ANKS1B: variants seen among roughly 807,000 people sequenced by gnomAD.
ANKS1B encodes ankyrin repeat and sterile alpha motif domain-containing protein 1B.
A neutral mutation model predicts 148.3 loss-of-function variants in ANKS1B; 36 were observed. That is an observed-to-expected ratio of 0.24 (90% CI 0.19 to 0.32). The LOEUF (loss-of-function observed/expected upper bound fraction) is 0.32, where lower values mean the gene tolerates loss of function less well. Among genes scored for constraint, ANKS1B ranks in the 10% least tolerant of loss-of-function variants. The pLI, the probability that ANKS1B is intolerant of heterozygous loss-of-function variation, is 1.00. For missense variants in ANKS1B, 1,157 were observed against 1,542.6 expected (o/e 0.75, Z 4.19); for synonymous variants, 542 against 560.8 (o/e 0.97, Z 0.47).
chr12:98,981,437 G>A (rs959028890), intron 17 of ANKS1B, among the ~76,000 whole-genome samples: 3 of 152,116 alleles, frequency 2.0e-5, no homozygotes, highest in Admixed American at 1.3e-4. Flanking sequence ...CTGGGTTCAA[G>A]GGATTCTGCT....
intron 14 of ANKS1B, among the ~76,000 whole-genome samples, chr12:99,241,578 T>C (rs1264386172): frequency 2.6e-5 from 4 of 152,214 alleles, no homozygotes; most frequent in Non-Finnish European, 4.4e-5. Flanking sequence ...TACCAAAGCC[T>C]GGCAGAGACA....
At chr12:99,682,249 T>C (rs1019048425) in intron 8 of ANKS1B, among the ~76,000 whole-genome samples, 8 of 152,176 alleles carry the variant, frequency 5.3e-5, no homozygotes, top group Admixed American at 3.3e-4. Context: ...CTATATCCTA[T>C]AATAAATGGA....
intron 8 of ANKS1B, among the ~76,000 whole-genome samples, chr12:99,675,890 G>A (rs2098563277): frequency 6.6e-6 from 1 of 152,080 alleles, no homozygotes; most frequent in South Asian, 2.1e-4. Flanking sequence ...TGAAAATTAA[G>A]AAATAAAATG....
At chr12:99,520,412 C>A (rs1472792053) in intron 9 of ANKS1B, among the ~76,000 whole-genome samples, 1 of 152,156 alleles carries the variant, frequency 6.6e-6, no homozygotes, top group African/African-American at 2.4e-5. Flanking sequence ...TCCTGGCCTG[C>A]CAGGTTTCTA....
intron 9 of ANKS1B, among the ~76,000 whole-genome samples, chr12:99,575,204 C>T (rs2097504235): frequency 6.6e-6 from 1 of 151,998 alleles, no homozygotes; most frequent in African/African-American, 2.4e-5. Context: ...TTAGCAGAAA[C>T]CTTACAAGTC....
At position 99,614,559 on chromosome 12, in the gene ANKS1B, G is replaced by GA. The variant is rs72275344; in HGVS notation, c.1272+40507dup. 1.8e-3 allele frequency among the ~76,000 whole-genome samples: 267 copies of GA among 147,028 alleles called. 3 individuals are homozygous for GA. Among genetic ancestry groups the GA allele is most frequent in the African/African-American group, 6.3e-3 (251 of 39,942 alleles). On this transcript the variant is annotated intron_variant, in intron 9 of 26. Coordinates refer to ENST00000683438, the MANE Select transcript of ANKS1B (RefSeq NM_001352186.2). ...GGATTTTCCATGTACTAACAGCAAA[G>GA]AAAAAAAAAAAGAATTCTCAGTAGA...
chr12:99,458,876 A>G (rs767408272), intron 10 of ANKS1B, among the ~76,000 whole-genome samples: 7 of 152,022 alleles, frequency 4.6e-5, no homozygotes, highest in Non-Finnish European at 7.4e-5. Flanking sequence ...ATTCCAAAAG[A>G]TATAGAAAAA....
intron 17 of ANKS1B, among the ~76,000 whole-genome samples, chr12:99,011,167 T>A (rs1261042606): frequency 6.6e-6 from 1 of 152,104 alleles, no homozygotes; most frequent in Non-Finnish European, 1.5e-5. Flanking sequence ...CCAGATACCT[T>A]GGCTGAGCAG....
At chr12:99,474,294 G>T (rs2096283136) in intron 10 of ANKS1B, among the ~76,000 whole-genome samples, 1 of 151,922 alleles carries the variant, frequency 6.6e-6, no homozygotes, top group Non-Finnish European at 1.5e-5. Flanking sequence ...GTTCATTAAG[G>T]TTTGATAAAA....
intron 17 of ANKS1B, among the ~76,000 whole-genome samples, chr12:98,865,132 A>T (rs2099618093): frequency 6.6e-6 from 1 of 152,112 alleles, no homozygotes; most frequent in African/African-American, 2.4e-5. Context: ...GACCGCTCAG[A>T]ACACCTTTTC....
At chr12:99,392,737 A>C (rs1263788376) in intron 12 of ANKS1B, among the ~76,000 whole-genome samples, 1 of 152,152 alleles carries the variant, frequency 6.6e-6, no homozygotes, top group African/African-American at 2.4e-5. Context: ...AGAACTCATA[A>C]ATTCACTCAC....
At chr12:99,208,469 T>C (rs1450986855) in intron 14 of ANKS1B, among the ~76,000 whole-genome samples, 3 of 152,166 alleles carry the variant, frequency 2.0e-5, no homozygotes, top group African/African-American at 7.2e-5. Flanking sequence ...AAAAGAGAGA[T>C]ATTAAACTAG....
Position 99,094,740 on chromosome 12 carries a change from C to A in ANKS1B, c.2527-9717G>T, listed in dbSNP as rs78329302. 1.1e-4 allele frequency among the ~76,000 whole-genome samples: 16 copies of A among 152,136 alleles called. No homozygotes were observed. In the East Asian group the frequency reaches 3.1e-3, roughly 29 times the overall value. On this transcript the variant is annotated intron_variant, in intron 15 of 26. Coordinates refer to ENST00000683438, the MANE Select transcript of ANKS1B (RefSeq NM_001352186.2). Reference sequence around the variant, plus strand: ...AATAAAATTTAGTGACTGAGGGGGACGAAGACCTGGGAAAGAAACGCAGGA... The same window carrying A: ...AATAAAATTTAGTGACTGAGGGGGAAGAAGACCTGGGAAAGAAACGCAGGA...
intron 17 of ANKS1B, among the ~76,000 whole-genome samples, chr12:99,035,684 A>G (rs2099955086): frequency 6.6e-6 from 1 of 152,164 alleles, no homozygotes; most frequent in Admixed American, 6.5e-5. Context: ...CCAACAAAGG[A>G]GAAGGACGGA....
At chr12:99,139,823 A>G (rs1313525401) in intron 15 of ANKS1B, among the ~76,000 whole-genome samples, 1 of 152,072 alleles carries the variant, frequency 6.6e-6, no homozygotes, top group Non-Finnish European at 1.5e-5. Flanking sequence ...TCCCTTAGGA[A>G]TGAATGGATA....
intron 1 of ANKS1B, among the ~76,000 whole-genome samples, chr12:99,901,948 T>C (rs767742281): frequency 2.6e-5 from 4 of 152,228 alleles, no homozygotes; most frequent in Non-Finnish European, 5.9e-5. Context: ...CAAATATTTA[T>C]TGAACACTTA....
chr12:99,032,975 T>C (rs1330444914), intron 17 of ANKS1B, among the ~76,000 whole-genome samples: 4 of 152,252 alleles, frequency 2.6e-5, no homozygotes, highest in African/African-American at 9.6e-5. Flanking sequence ...GAGTATTTAC[T>C]AGGCTTAGTA....
At chr12:99,908,805 A>C (rs551800480) in intron 1 of ANKS1B, among the ~76,000 whole-genome samples, 2 of 152,230 alleles carry the variant, frequency 1.3e-5, no homozygotes, top group South Asian at 4.1e-4. Flanking sequence ...TCATTATCAC[A>C]GTCAAACAAA....
At chr12:98,794,794 C>T (rs973952718) in intron 22 of ANKS1B, 33 of 1,469,938 alleles carry the variant, frequency 2.2e-5, no homozygotes, top group Non-Finnish European at 2.8e-5. Flanking sequence ...AACAGAAACA[C>T]GAAGCTTAAT....
Sources: gnomAD v4.1 joint callset for allele counts (sites outside exome capture counted in the v4.1 genomes callset) on GRCh38, gnomAD v4.1.1 for gene constraint, MANE v1.5 for transcripts, NCBI Gene and HGNC (gene_info 2026-07-23, HGNC 2026-07-21) for gene names.